The following PRIMPOL variants were observed in gnomAD, a reference collection of about 807,000 sequenced individuals.
PRIMPOL encodes primase and DNA directed polymerase, also known as DNA-directed primase/polymerase protein.
A neutral mutation model predicts 63.6 loss-of-function variants in PRIMPOL; 54 were observed. That is an observed-to-expected ratio of 0.85 (90% CI 0.68 to 1.07). The LOEUF is 1.07. Among genes scored for constraint, PRIMPOL ranks in the 50% least tolerant of loss-of-function variants. The pLI is 0.00. For synonymous variants in PRIMPOL, 197 were observed against 220.2 expected, an observed-to-expected ratio of 0.89 and a Z score of 0.93; for missense variants, 610 against 648.3, an observed-to-expected ratio of 0.94 and a Z score of 0.64.
chr4:184,661,881 A>G lies in PRIMPOL; in HGVS notation c.386A>G (p.Lys129Arg). The part of the protein sequence containing the change: ...KPANPGADGK[K>R]MVALLIEYVC... ...GCCAACCCAGGAGCTGATGGGAAAA[A>G]GATGGTTGCATTACTCATTGAGGTA... The change falls in exon 5 of 14, where the codon AAG (lysine) becomes AGG (arginine). Residue 129 changes from lysine (K) to arginine (R), a missense_variant. Physicochemically the swap from Lys to Arg is conservative, Grantham distance 26 (BLOSUM62 2). This residue lies in a region of PRIMPOL where 159 missense variants were observed against 168.9 expected (regional missense o/e 0.94). Transcript: ENST00000314970. The G allele has an allele frequency of 1.2e-6, 2 of 1,613,304 alleles. No homozygotes were observed. The highest frequency in any genetic ancestry group is 1.1e-5 in the South Asian group (1 of 91,036).
chr4:184,685,492 A>G lies in PRIMPOL; in HGVS notation c.1180A>G (p.Lys394Glu). ...TTCTTTGGTGAATAAAGATGGCATTAAAGGAGGTAAAGTTAATCTCATCCT... is the reference window on the plus strand; with the variant it reads ...TTCTTTGGTGAATAAAGATGGCATTGAAGGAGGTAAAGTTAATCTCATCCT... ...VLSLVNKDGI[K>E]GGIRRWNYFF... Residue 394 changes from lysine (K) to glutamate (E), a missense_variant, in exon 10 of 14, where the codon AAA becomes GAA. Physicochemically the swap from Lys to Glu is moderately conservative, Grantham distance 56 (BLOSUM62 1). Transcript: ENST00000314970. 6.2e-7 allele frequency: 1 copy of G among 1,606,788 alleles called. No individual in the cohort carries two copies. The highest frequency in any genetic ancestry group is 8.5e-7 in the Non-Finnish European group (1 of 1,173,332).
intron 1 of PRIMPOL, among the ~76,000 whole-genome samples, chr4:184,651,029 C>A (rs1215319448): frequency 6.6e-6 from 1 of 151,902 alleles, no homozygotes; most frequent in Non-Finnish European, 1.5e-5. Context: ...GTGGCTCATG[C>A]CTGTAATCCC....
chr4:184,690,466 T>C (rs1758211171), intron 11 of PRIMPOL, among the ~76,000 whole-genome samples: 1 of 152,112 alleles, frequency 6.6e-6, no homozygotes, highest in Admixed American at 6.6e-5. Context: ...TATTTACTTA[T>C]TTATTTATTT....
At position 184,685,726 on chromosome 4, in the gene PRIMPOL, T is replaced by C. The variant is rs199907347; in HGVS notation, c.1295+42T>C. On this transcript the variant is annotated intron_variant, in intron 11 of 13. Transcript: ENST00000314970. ...ATTTGTGTGTATTTAACCAATATTATATTTTAAATATTTATAACTTTTAAA... is the reference window on the plus strand; with the variant it reads ...ATTTGTGTGTATTTAACCAATATTACATTTTAAATATTTATAACTTTTAAA... The C allele has an allele frequency of 1.2e-5, 10 of 802,162 alleles. No individual in the cohort carries two copies. The East Asian group carries it at 3.0e-4, about 24-fold the overall frequency. The allele number at this position is 802,162 out of a possible 1,614,324, so 49.7% of individuals were successfully genotyped here.
intron 1 of PRIMPOL, among the ~76,000 whole-genome samples, chr4:184,650,403 C>T (rs12108497): frequency 0.31 from 46,687 of 152,054 alleles, 7,954 homozygotes; most frequent in East Asian, 0.7. Flanking sequence ...GCCGAAGGCC[C>T]CATCTTTTAT....
intron 7 of PRIMPOL, among the ~76,000 whole-genome samples, chr4:184,674,571 T>C (rs1315241386): frequency 6.6e-6 from 1 of 152,176 alleles, no homozygotes; most frequent in East Asian, 1.9e-4. Flanking sequence ...GGAACCAACT[T>C]CTCTATGCAG....
At position 184,666,014 on chromosome 4, in the gene PRIMPOL, A is replaced by T; in HGVS notation, c.506A>T (p.His169Leu). Reference protein sequence around the residue: ...DSSTDEKFSRHLIFQLHDVAF... With the variant: ...DSSTDEKFSRLLIFQLHDVAF... ...AGCACTGATGAAAAATTCAGCCGGC[A>T]TTTAATATTTCAGCTCCATGATGTG... is the stretch of plus-strand genomic sequence containing the variant. The change falls in exon 6 of 14, where the codon CAT (histidine) becomes CTT (leucine). Residue 169 changes from histidine (H) to leucine (L), a missense_variant. This residue lies in a region of PRIMPOL where 444 missense variants were observed against 456.4 expected (regional missense o/e 0.97). Transcript: ENST00000314970. 2 of 1,610,574 alleles carry T rather than the reference A, an allele frequency of 1.2e-6. No homozygotes were observed. Among genetic ancestry groups the T allele is most frequent in the Non-Finnish European group, 8.5e-7 (1 of 1,177,650 alleles).
chr4:184,689,345 A>AC (rs1222728425), intron 11 of PRIMPOL, among the ~76,000 whole-genome samples: 7 of 151,810 alleles, frequency 4.6e-5, no homozygotes, highest in East Asian at 1.9e-4. Context: ...TACAGGTGTG[A>AC]ACCACCTCAC....
At chr4:184,681,912 C>T (rs76629676) in intron 8 of PRIMPOL, among the ~76,000 whole-genome samples, 4,389 of 152,196 alleles carry the variant, frequency 0.029, 213 homozygotes, top group African/African-American at 0.1. Flanking sequence ...TTTTGATCTG[C>T]TGTTGGTTGA....
At position 184,672,426 on chromosome 4, in the gene PRIMPOL, T is replaced by C. The variant is rs1468362874; in HGVS notation, c.810T>C (p.Asn270=). 1 of 1,611,554 alleles carries C rather than the reference T, an allele frequency of 6.2e-7. No homozygotes were observed. The highest frequency in any genetic ancestry group is 1.7e-5 in the Admixed American group (1 of 59,290). ...ACCTTTCATTTCTAGTTGTGAAGAA[T>C]AACATGGGAGAGAAGCATCTTTTTG... ...SPDLSFLVVK[N]NMGEKHLFVD... is the part of the protein sequence containing the mutation. The change falls in exon 7 of 14, where the codon AAT becomes AAC. Residue 270 remains asparagine (N), a synonymous_variant. Transcript: ENST00000314970.
chr4:184,673,457 G>T (rs1268242483), intron 7 of PRIMPOL, among the ~76,000 whole-genome samples: 14 of 117,978 alleles, frequency 1.2e-4, no homozygotes, highest in Non-Finnish European at 3.3e-5. Flanking sequence ...ATGGAGTCTC[G>T]CTCTGTCACC....
chr4:184,669,433 A>G (rs1232861839), intron 6 of PRIMPOL, among the ~76,000 whole-genome samples: 3 of 152,226 alleles, frequency 2.0e-5, no homozygotes, highest in Non-Finnish European at 2.9e-5. Flanking sequence ...TGAAGCGTGA[A>G]TAGTGAGGAG....
In PRIMPOL at chr4:184,672,477, G is replaced by C; in HGVS notation, c.844+17G>C. 6.4e-7 allele frequency: 1 copy of C among 1,553,878 alleles called. No individual in the cohort carries two copies. The highest frequency in any genetic ancestry group is 8.7e-7 in the Non-Finnish European group (1 of 1,152,728). On this transcript the variant is annotated intron_variant, in intron 7 of 13. Transcript: ENST00000314970. Reference sequence around the variant, plus strand: ...TAGATCTCGGTAAGTAAGATTGACAGCTTTCTCCATCAGACCGCCCTGGTG... The same window carrying C: ...TAGATCTCGGTAAGTAAGATTGACACCTTTCTCCATCAGACCGCCCTGGTG...
At chr4:184,692,424 A>G (rs766049219) in intron 13 of PRIMPOL, among the ~76,000 whole-genome samples, 54 of 144,054 alleles carry the variant, frequency 3.7e-4, no homozygotes, top group African/African-American at 1.2e-3. Flanking sequence ...CAGTGAGCTG[A>G]TATCACGCCA....
intron 9 of PRIMPOL, 70 bp downstream of exon 9, chr4:184,682,406 TG>T: frequency 1.2e-6 from 1 of 828,906 alleles, no homozygotes; most frequent in Non-Finnish European, 2.0e-6. Context: ...TGGAGTGCAG[TG>T]GTGCGATCTC....
intron 7 of PRIMPOL, among the ~76,000 whole-genome samples, chr4:184,673,538 C>G (rs1486142699): frequency 6.6e-6 from 1 of 151,908 alleles, no homozygotes; most frequent in Non-Finnish European, 1.5e-5. Flanking sequence ...GATTCTCCTC[C>G]CTCAGCCTCC....
intron 8 of PRIMPOL, among the ~76,000 whole-genome samples, chr4:184,682,001 A>G (rs565479653): frequency 6.6e-6 from 1 of 152,218 alleles, no homozygotes; most frequent in African/African-American, 2.4e-5. Flanking sequence ...TAAGGATAGT[A>G]TTATAAGTAA....
chr4:184,693,909 TCCTCCC>T (rs1759761539), intron 13 of PRIMPOL, among the ~76,000 whole-genome samples: 1 of 152,146 alleles, frequency 6.6e-6, no homozygotes, highest in Non-Finnish European at 1.5e-5. Flanking sequence ...CCTCAAGCAG[TCCTCCC>T]GTCTCAGCCT....
intron 6 of PRIMPOL, among the ~76,000 whole-genome samples, chr4:184,666,320 G>A (rs182816118): frequency 1.3e-5 from 2 of 152,072 alleles, no homozygotes; most frequent in Non-Finnish European, 2.9e-5. Flanking sequence ...CTAATTAGCC[G>A]GGCATGGTGG....
Sources: gnomAD v4.1 joint callset for allele counts (sites outside exome capture counted in the v4.1 genomes callset) on GRCh38, gnomAD v4.1.1 for gene constraint, gnomAD v4.1.1 regional missense constraint, MANE v1.5 for transcripts, NCBI Gene and HGNC (gene_info 2026-07-23, HGNC 2026-07-21) for gene names.